PRIMPOL: variants seen among roughly 807,000 people sequenced by gnomAD.
PRIMPOL encodes primase and DNA directed polymerase, also known as DNA-directed primase/polymerase protein.
A neutral mutation model predicts 63.6 loss-of-function variants in PRIMPOL; 54 were observed. That is an observed-to-expected ratio of 0.85 (90% confidence interval 0.68 to 1.07). The LOEUF is 1.07. Ranked by LOEUF, PRIMPOL falls within the 50% of genes least tolerant of loss-of-function variation. The probability of loss-of-function intolerance (pLI) is 0.00; values close to 1 mark genes in which losing one functional copy is unlikely to be tolerated. For missense variants in PRIMPOL, 610 were observed against 648.3 expected (o/e 0.94, Z 0.64); for synonymous variants, 197 against 220.2 (o/e 0.89, Z 0.93).
intron 5 of PRIMPOL, among the ~76,000 whole-genome samples, chr4:184,663,018 T>TTATTA (rs1748796698): frequency 7.2e-6 from 1 of 138,758 alleles, no homozygotes; most frequent in African/African-American, 2.7e-5. Context: ...ATTTTAAACC[T>TTATTA]TTATTATTAT....
intron 11 of PRIMPOL, among the ~76,000 whole-genome samples, chr4:184,686,487 A>G (rs1005448937): frequency 1.3e-5 from 2 of 152,226 alleles, no homozygotes; most frequent in Admixed American, 6.5e-5. Context: ...AATGCTTGCT[A>G]TATATGCCAG....
chr4:184,689,446 CTTTTTTTTTTTTTT>C (rs70962517), intron 11 of PRIMPOL, among the ~76,000 whole-genome samples: 19 of 50,264 alleles, frequency 3.8e-4, no homozygotes, highest in African/African-American at 1.4e-3. Context: ...GTTAATGGTG[CTTTTTTTTTTTTTT>C]TTTTTTTTTT....
chr4:184,694,477 A>G (rs377613591), intron 13 of PRIMPOL, 45 bp from the exon 14 acceptor site: 384 of 1,584,760 alleles, frequency 2.4e-4, no homozygotes, highest in Non-Finnish European at 3.2e-4. Flanking sequence ...TCCTGAGTAA[A>G]TATTTTCCTA....
At chr4:184,657,850 G>A (rs1007371653) in intron 3 of PRIMPOL, among the ~76,000 whole-genome samples, 6 of 151,990 alleles carry the variant, frequency 3.9e-5, no homozygotes, top group South Asian at 2.1e-4. Flanking sequence ...AAAATTAGCC[G>A]GGTGTGGTGG....
chr4:184,674,623 T>C (rs1369790466), intron 7 of PRIMPOL, among the ~76,000 whole-genome samples: 1 of 152,246 alleles, frequency 6.6e-6, no homozygotes, highest in Non-Finnish European at 1.5e-5. Context: ...AAAAACTTAA[T>C]TACTGATAGC....
rs780695010 is a variant in PRIMPOL, at chr4:184,672,437, A to G, written c.821A>G (p.Glu274Gly). 1.9e-6 allele frequency: 3 copies of G among 1,609,674 alleles called. No individual in the cohort carries two copies. The highest frequency in any genetic ancestry group is 1.7e-5 in the Admixed American group (1 of 58,930). ...SFLVVKNNMGEKHLFVDLGVY... is the reference protein window; with the variant it reads ...SFLVVKNNMGGKHLFVDLGVY... ...CTAGTTGTGAAGAATAACATGGGAG[A>G]GAAGCATCTTTTTGTAGATCTCGGT... Residue 274 changes from glutamate to glycine, a missense_variant, in exon 7 of 14, where the codon GAG becomes GGG. Glu to Gly is a moderately conservative substitution (Grantham distance 98). This residue lies in a region of PRIMPOL where 444 missense variants were observed against 456.4 expected (regional missense o/e 0.97). Coordinates refer to ENST00000314970, the MANE Select transcript of PRIMPOL (RefSeq NM_152683.4).
At chr4:184,693,679 G>C (rs1195946824) in intron 13 of PRIMPOL, among the ~76,000 whole-genome samples, 1 of 152,196 alleles carries the variant, frequency 6.6e-6, no homozygotes, top group South Asian at 2.1e-4. Context: ...GAACTCTGCT[G>C]TCTGTCCTCT....
chr4:184,691,886 A>C (rs932567368), intron 13 of PRIMPOL, among the ~76,000 whole-genome samples, 174 bp downstream of exon 13: 3 of 118,372 alleles, frequency 2.5e-5, no homozygotes, highest in Non-Finnish European at 5.0e-5. Context: ...CACATATCTG[A>C]TAATACAAAC....
chr4:184,662,388 T>A (rs1748599379), intron 5 of PRIMPOL, among the ~76,000 whole-genome samples: 1 of 152,176 alleles, frequency 6.6e-6, no homozygotes, highest in South Asian at 2.1e-4. Flanking sequence ...CGAAACTAAT[T>A]CCTATTCAAG....
chr4:184,693,492 A>G (rs1398272030), intron 13 of PRIMPOL, among the ~76,000 whole-genome samples: 2 of 152,174 alleles, frequency 1.3e-5, no homozygotes, highest in Non-Finnish European at 2.9e-5. Flanking sequence ...TGTAGCTGTC[A>G]CTTAGTTTTC....
intron 9 of PRIMPOL, among the ~76,000 whole-genome samples, chr4:184,683,590 A>C (rs1481165640): frequency 6.6e-6 from 1 of 152,200 alleles, no homozygotes; most frequent in African/African-American, 2.4e-5. Context: ...TTTGCTATTT[A>C]ACCTAGAAGA....
chr4:184,677,198 GCGATCCT>G (rs1754322967), intron 7 of PRIMPOL, among the ~76,000 whole-genome samples: 1 of 151,346 alleles, frequency 6.6e-6, no homozygotes, highest in Admixed American at 6.6e-5. Context: ...CAGGCCTCAA[GCGATCCT>G]CCTGTTGTGG....
intron 8 of PRIMPOL, among the ~76,000 whole-genome samples, chr4:184,681,149 T>C (rs1755516494): frequency 6.6e-6 from 1 of 152,246 alleles, no homozygotes; most frequent in African/African-American, 2.4e-5. Context: ...AGTTTACTTC[T>C]TGAAATAAAG....
In PRIMPOL at chr4:184,689,423, G is replaced by C. The variant is rs561209846; in HGVS notation, c.1296-2076G>C. ...CCCCACCCTCCCCAACTCATACCTT[G>C]TTCTCCATTGATGTTAATGGTGCTT... On this transcript the variant is annotated intron_variant, in intron 11 of 13. Coordinates refer to ENST00000314970, the MANE Select transcript of PRIMPOL (RefSeq NM_152683.4). Among the ~76,000 whole-genome samples, 302 of 132,600 alleles carry C rather than the reference G, an allele frequency of 2.3e-3. 3 individuals are homozygous for C. Among genetic ancestry groups the C allele is most frequent in the African/African-American group, 8.2e-3 (286 of 34,824 alleles). 87.0% of individuals were successfully genotyped at this position (132,600 alleles called of 152,430 possible). A position where few individuals can be genotyped will look rare whatever the true frequency, so the allele number is the denominator to read the frequency against.
In PRIMPOL at chr4:184,672,833, G is replaced by A. The variant is rs190066299; in HGVS notation, c.844+373G>A. 2.2e-4 allele frequency among the ~76,000 whole-genome samples: 34 copies of A among 152,288 alleles called. 1 individual carries two copies. The East Asian group carries it at 6.2e-3, about 28-fold the overall frequency. ...TCGGTATAAAAGCAGTACTCGTGTG[G>A]CGCGGTGAGCCTGGGTGTTCTCCTC... is the stretch of plus-strand genomic sequence containing the variant. On this transcript the variant is annotated intron_variant, in intron 7 of 13. Transcript: ENST00000314970.
At chr4:184,655,877 G>A (rs1366783198) in intron 2 of PRIMPOL, among the ~76,000 whole-genome samples, 1 of 152,048 alleles carries the variant, frequency 6.6e-6, no homozygotes, top group Non-Finnish European at 1.5e-5. Flanking sequence ...ATGAAGAGAG[G>A]AACTCTATTA....
At chr4:184,667,585 C>T (rs989741726) in intron 6 of PRIMPOL, among the ~76,000 whole-genome samples, 2 of 152,204 alleles carry the variant, frequency 1.3e-5, no homozygotes, top group Non-Finnish European at 2.9e-5. Context: ...GCTGGGATTA[C>T]AGGCGTGAGC....
chr4:184,672,392 G>A lies in PRIMPOL; in HGVS notation c.776G>A (p.Ser259Asn). Residue 259 changes from serine to asparagine, a missense_variant, in exon 7 of 14, where the codon AGC becomes AAC. Ser to Asn is a conservative substitution (Grantham distance 46). Coordinates refer to ENST00000314970, the MANE Select transcript of PRIMPOL (RefSeq NM_152683.4). ...GAGAGGCTGGGGTCAGCTGAGCAAA[G>A]CAGTCCTGACCTTTCATTTCTAGTT... ...KLERLGSAEQSSPDLSFLVVK... is the reference protein window; with the variant it reads ...KLERLGSAEQNSPDLSFLVVK... The A allele has an allele frequency of 2.5e-6, 4 of 1,614,146 alleles. No individual in the cohort carries two copies. The highest frequency in any genetic ancestry group is 3.4e-6 in the Non-Finnish European group (4 of 1,180,032).
intron 2 of PRIMPOL, among the ~76,000 whole-genome samples, 182 bp downstream of exon 2, chr4:184,652,282 T>G (rs542683145): frequency 6.6e-6 from 1 of 152,256 alleles, no homozygotes; most frequent in East Asian, 1.9e-4. Flanking sequence ...CTGTGTGAGT[T>G]GAATGTTGCT....
Sources: gnomAD v4.1 joint callset for allele counts (sites outside exome capture counted in the v4.1 genomes callset) on GRCh38, gnomAD v4.1.1 for gene constraint, gnomAD v4.1.1 regional missense constraint, MANE v1.5 for transcripts, NCBI Gene and HGNC (gene_info 2026-07-23, HGNC 2026-07-21) for gene names.